The following SAMMSON variants were observed in gnomAD, a reference collection of about 807,000 sequenced individuals.
SAMMSON encodes survival associated mitochondrial melanoma specific oncogenic non-coding RNA.
intron 4 of SAMMSON, among the ~76,000 whole-genome samples, chr3:70,209,939 C>T (rs1177686146): frequency 6.6e-6 from 1 of 152,088 alleles, no homozygotes; most frequent in African/African-American, 2.4e-5. Context: ...TAGAGAGTAG[C>T]TCAGAAAGAG....
rs1327121114 is a variant in SAMMSON, at chr3:70,290,044, C to A, written n.675-1135C>A. ...CTCAGAGTAATTTGATCGTCTGAAG[C>A]CTTCTTCTCTCAGCTCGTCAAAGTC... On this transcript the variant is annotated intron_variant and non_coding_transcript_variant, in intron 6 of 9. Coordinates refer to ENST00000642114, the Ensembl canonical transcript of SAMMSON. Among the ~76,000 whole-genome samples, 4 of 152,294 alleles carry A rather than the reference C, an allele frequency of 2.6e-5. No homozygotes were observed. In the East Asian group the frequency reaches 7.7e-4, roughly 29 times the overall value.
At chr3:70,290,910 G>A (rs1272410117) in intron 6 of SAMMSON, among the ~76,000 whole-genome samples, 3 of 152,162 alleles carry the variant, frequency 2.0e-5, no homozygotes, top group Admixed American at 6.5e-5. Context: ...GCCTCGCCCT[G>A]CTTCGGATGG....
chr3:70,397,031 A>T (rs1309712930), intron 2 of SAMMSON, among the ~76,000 whole-genome samples: 1 of 152,174 alleles, frequency 6.6e-6, no homozygotes, highest in Non-Finnish European at 1.5e-5. Flanking sequence ...TGGACTGTGG[A>T]TCCTTATATA....
chr3:70,363,006 A>C (rs1372429892), intron 9 of SAMMSON, among the ~76,000 whole-genome samples: 2 of 152,088 alleles, frequency 1.3e-5, no homozygotes, highest in Non-Finnish European at 2.9e-5. Context: ...ATTCTGATGC[A>C]AGGGTCTATA....
At chr3:70,369,583 A>G (rs1461088330) in intron 9 of SAMMSON, among the ~76,000 whole-genome samples, 1 of 151,560 alleles carries the variant, frequency 6.6e-6, no homozygotes, top group Non-Finnish European at 1.5e-5. Flanking sequence ...AAGAGGAATC[A>G]GAGAGAAGAT....
intron 4 of SAMMSON, chr3:70,196,773 C>T (rs1246534760): frequency 7.6e-6 from 3 of 395,594 alleles, no homozygotes; most frequent in Admixed American, 4.4e-5. Context: ...GTTGATAATA[C>T]TAGCTTTCCT....
intron 4 of SAMMSON, chr3:70,205,606 C>T (rs1265926241): frequency 6.6e-6 from 1 of 151,964 alleles, no homozygotes; most frequent in Non-Finnish European, 1.5e-5. Flanking sequence ...ATCATATAAT[C>T]AGAGACTAAA....
intron 1 of SAMMSON, among the ~76,000 whole-genome samples, chr3:70,000,443 T>C (rs1241763871): frequency 6.6e-6 from 1 of 152,220 alleles, no homozygotes; most frequent in Non-Finnish European, 1.5e-5. Flanking sequence ...ATATTGACAA[T>C]ATTCCTCTTT....
chr3:70,010,725 A>T (rs907085069), intron 1 of SAMMSON, among the ~76,000 whole-genome samples: 1 of 152,082 alleles, frequency 6.6e-6, no homozygotes, highest in Non-Finnish European at 1.5e-5. Context: ...TGGGTAATTT[A>T]TAAAGGAAAG....
chr3:70,344,566 T>C lies in SAMMSON; in HGVS notation n.740-9609T>C, dbSNP rs145051814. ...CCTGGGTATGAAGAGGGCACTGAGC[T>C]GGTTAACACTTAAGCTATCTGCAGA... On this transcript the variant is annotated intron_variant and non_coding_transcript_variant, in intron 7 of 9. Coordinates refer to ENST00000642114, the Ensembl canonical transcript of SAMMSON. Among the ~76,000 whole-genome samples, 15 of 152,356 alleles carry C rather than the reference T, an allele frequency of 9.8e-5. No individual in the cohort carries two copies. The South Asian group carries it at 1.0e-3, about 11-fold the overall frequency.
intron 4 of SAMMSON, among the ~76,000 whole-genome samples, chr3:70,241,942 T>C (rs975092167): frequency 6.6e-6 from 1 of 152,198 alleles, no homozygotes; most frequent in Non-Finnish European, 1.5e-5. Flanking sequence ...CTAAACTGTA[T>C]AATAACATTT....
At chr3:70,399,038 G>A (rs976886609) in intron 2 of SAMMSON, among the ~76,000 whole-genome samples, 1 of 152,168 alleles carries the variant, frequency 6.6e-6, no homozygotes, top group African/African-American at 2.4e-5. Context: ...GCATCTGAAA[G>A]CAAATACATG....
At chr3:70,414,147 G>T (rs1701243969) in intron 2 of SAMMSON, among the ~76,000 whole-genome samples, 1 of 152,064 alleles carries the variant, frequency 6.6e-6, no homozygotes, top group South Asian at 2.1e-4. Context: ...TAAGCAGTTT[G>T]TAAAGTCTTG....
intron 7 of SAMMSON, among the ~76,000 whole-genome samples, chr3:70,296,402 C>G (rs111704100): frequency 1.3e-5 from 2 of 152,082 alleles, no homozygotes; most frequent in Admixed American, 1.3e-4. Context: ...AGAAAATGGA[C>G]CTAATTTTAG....
intron 3 of SAMMSON, among the ~76,000 whole-genome samples, chr3:70,039,008 T>C (rs541506783): frequency 5.3e-5 from 8 of 152,180 alleles, no homozygotes; most frequent in African/African-American, 1.9e-4. Flanking sequence ...GTGGTTATGT[T>C]ATATGTGATT....
At chr3:70,330,476 G>C (rs1259146822) in intron 7 of SAMMSON, among the ~76,000 whole-genome samples, 2 of 151,870 alleles carry the variant, frequency 1.3e-5, no homozygotes, top group Non-Finnish European at 2.9e-5. Flanking sequence ...ACAGTTTTAG[G>C]TTTCCTGAGG....
At chr3:70,307,928 C>A (rs982559083) in intron 7 of SAMMSON, among the ~76,000 whole-genome samples, 5 of 152,216 alleles carry the variant, frequency 3.3e-5, no homozygotes, top group South Asian at 2.1e-4. Flanking sequence ...GCCTCTGATG[C>A]CTTTGCTCCC....
At chr3:70,225,169 T>A (rs1701491769) in intron 4 of SAMMSON, among the ~76,000 whole-genome samples, 1 of 152,130 alleles carries the variant, frequency 6.6e-6, no homozygotes, top group South Asian at 2.1e-4. Context: ...TTTTGTGCCA[T>A]GATGAACTAG....
Position 70,352,831 on chromosome 3 carries a change from G to C in SAMMSON, n.740-1344G>C, listed in dbSNP as rs532215884. 1.1e-3 allele frequency among the ~76,000 whole-genome samples: 167 copies of C among 152,140 alleles called. 1 individual carries two copies. The highest frequency in any genetic ancestry group is 3.8e-3 in the African/African-American group (160 of 41,562). ...AAAGAATGAGTTTACCCAATTTCAA[G>C]ACCTATTTTATAGCTATAGAAATCA... On this transcript the variant is annotated intron_variant and non_coding_transcript_variant, in intron 7 of 9. Coordinates refer to ENST00000642114, the Ensembl canonical transcript of SAMMSON.
Sources: gnomAD v4.1 joint callset for allele counts (sites outside exome capture counted in the v4.1 genomes callset) on GRCh38, gnomAD v4.1.1 for gene constraint, MANE v1.5 for transcripts, NCBI Gene and HGNC (gene_info 2026-07-23, HGNC 2026-07-21) for gene names.